The following SH3TC2 variants were observed in gnomAD, a reference collection of about 807,000 sequenced individuals.
The protein encoded by SH3TC2 is SH3 domain and tetratricopeptide repeat-containing protein 2.
SH3TC2 carries 87 observed loss-of-function variants against 124.5 expected under a neutral mutation model. The ratio of observed to expected loss-of-function variants is 0.70; its 90% CI spans 0.59 to 0.84. SH3TC2 has a LOEUF of 0.84. Among genes scored for constraint, SH3TC2 ranks in the 40% least tolerant of loss-of-function variants. The pLI, the probability that SH3TC2 is intolerant of heterozygous loss-of-function variation, is 0.00. For synonymous variants in SH3TC2, 634 were observed against 628.5 expected (o/e 1.01, Z -0.13); for missense variants, 1,536 against 1,566.4 (o/e 0.98, Z 0.33).
At position 149,047,413 on chromosome 5, in the gene SH3TC2, G is replaced by A. The variant is rs534466705; in HGVS notation, c.279+449C>T. On this transcript the variant is annotated intron_variant, in intron 3 of 16. Transcript: ENST00000515425. ...GATGAAAAAGTTCTGGAGGTGGATA[G>A]GTTGTGAATGTACTTAGTGTCATAG... The A allele has an allele frequency of 4.2e-5, 8 of 189,174 alleles. No homozygotes were observed. The South Asian group carries it at 8.2e-4, about 19-fold the overall frequency. The allele number at this position is 189,174 out of a possible 1,614,324, so 11.7% of individuals were successfully genotyped here.
At chr5:149,031,741 TCTC>T in intron 8 of SH3TC2, 54 bp from the exon 9 acceptor site, 1 of 1,609,274 alleles carries the variant, frequency 6.2e-7, no homozygotes, top group South Asian at 1.1e-5. Context: ...TCAGACTCCA[TCTC>T]CTCTTCTCTC....
In SH3TC2 at chr5:149,047,887, T is replaced by A. The variant is rs567173388; in HGVS notation, c.254A>T (p.Asp85Val). Residue 85 changes from aspartate to valine, a missense_variant, in exon 3 of 17, where the codon GAC becomes GTC. Asp to Val is a radical substitution (Grantham distance 152, BLOSUM62 -3). Coordinates refer to ENST00000515425, the MANE Select transcript of SH3TC2 (RefSeq NM_024577.4). Reference sequence around the variant, plus strand: ...CTTAAACAGCATGCGCACCTCCTGGTCCTCATTCTCCAGTGCCCAGAGCCG... The same window carrying A: ...CTTAAACAGCATGCGCACCTCCTGGACCTCATTCTCCAGTGCCCAGAGCCG... ...RRRLWALENE[D>V]QEVRMLFKDL... is the part of the protein sequence containing the mutation. 97 of 1,614,160 alleles carry A rather than the reference T, an allele frequency of 6.0e-5. 1 individual carries two copies. In the South Asian group the frequency reaches 1.0e-3, roughly 17 times the overall value.
At chr5:149,031,940 C>T (rs1754201597) in intron 8 of SH3TC2, among the ~76,000 whole-genome samples, 1 of 152,130 alleles carries the variant, frequency 6.6e-6, no homozygotes, top group Non-Finnish European at 1.5e-5. Flanking sequence ...GATGAAAACA[C>T]CCCTTCTCTT....
intron 12 of SH3TC2, among the ~76,000 whole-genome samples, chr5:149,023,601 T>TTTTTTTTTTTTTTTTTG (rs1754014057): frequency 9.3e-6 from 1 of 107,906 alleles, no homozygotes; most frequent in African/African-American, 3.3e-5. Flanking sequence ...TTTTTTTTTT[T>TTTTTTTTTTTTTTTTTG]GAGAGACAGT....
chr5:149,037,950 G>A lies in SH3TC2; in HGVS notation c.1001+345C>T, dbSNP rs182794559. ...GCATGCTGCTAATCTATTTCTCCCCGTGTGTGCCCTTCCTCTGAAGGGGCC... is the reference window on the plus strand; with the variant it reads ...GCATGCTGCTAATCTATTTCTCCCCATGTGTGCCCTTCCTCTGAAGGGGCC... On this transcript the variant is annotated intron_variant, in intron 8 of 16. Coordinates refer to ENST00000515425, the MANE Select transcript of SH3TC2 (RefSeq NM_024577.4). Among the ~76,000 whole-genome samples the A allele has an allele frequency of 3.2e-3, 492 of 152,230 alleles. 9 individuals are homozygous for A. Among genetic ancestry groups the A allele is most frequent in the Middle Eastern group, 3.4e-3 (1 of 294 alleles).
Position 148,987,838 on chromosome 5 carries a change from TG to T in SH3TC2, c.*16872del, listed in dbSNP as rs1753358300. On this transcript the variant is annotated 3_prime_UTR_variant, in exon 17 of 17. Transcript: ENST00000515425. Reference sequence around the variant, plus strand: ...GTGTGTGTGTGTGTGTGTGTGTGTGTGTGTGTGTGTGTGTGTGTTCTTTAGA... The same window carrying T: ...GTGTGTGTGTGTGTGTGTGTGTGTGTTGTGTGTGTGTGTGTGTTCTTTAGA... Among the ~76,000 whole-genome samples, 2 of 151,500 alleles carry T rather than the reference TG, an allele frequency of 1.3e-5. No homozygotes were observed. The highest frequency in any genetic ancestry group is 2.9e-5 in the Non-Finnish European group (2 of 67,884).
chr5:149,020,570 A>C (rs928678421), intron 12 of SH3TC2, among the ~76,000 whole-genome samples: 27 of 152,252 alleles, frequency 1.8e-4, no homozygotes, highest in African/African-American at 6.3e-4. Context: ...TTTCTACTAC[A>C]TGCTGCCTAC....
intron 12 of SH3TC2, among the ~76,000 whole-genome samples, chr5:149,025,219 C>A (rs572783124): frequency 2.8e-4 from 42 of 152,234 alleles, no homozygotes; most frequent in African/African-American, 9.6e-4. Context: ...GGATCCAAAG[C>A]TCCCTCCCTG....
rs986614048 is a variant in SH3TC2, at chr5:148,987,147, C to T, written c.*17564G>A. ...TTAGAAGAAATGTGTAAATCAAATG[C>T]TTCTAAATTTAATTTGATTTAAATT... On this transcript the variant is annotated 3_prime_UTR_variant, in exon 17 of 17. Transcript: ENST00000515425. Among the ~76,000 whole-genome samples the T allele has an allele frequency of 2.0e-5, 3 of 152,152 alleles. No individual in the cohort carries two copies. The highest frequency in any genetic ancestry group is 6.5e-5 in the Admixed American group (1 of 15,276).
chr5:149,028,515 C>A lies in SH3TC2; in HGVS notation c.1217G>T (p.Arg406Ile), dbSNP rs761907624. ...PEGFKEVRPG[R>I]AWEEHQAVGS... ...CACGGCCTGATGCTCCTCCCAGGCT[C>A]TGCCAGGCCTGACCTCCTTGAAACC... Residue 406 changes from arginine (R) to isoleucine (I), a missense_variant, in exon 11 of 17, where the codon AGA becomes ATA. Arg to Ile is a moderately conservative substitution (Grantham distance 97). Coordinates refer to ENST00000515425, the MANE Select transcript of SH3TC2 (RefSeq NM_024577.4). The A allele has an allele frequency of 5.0e-6, 8 of 1,613,870 alleles. No individual in the cohort carries two copies. Among genetic ancestry groups the A allele is most frequent in the Non-Finnish European group, 6.8e-6 (8 of 1,179,842 alleles).
chr5:149,030,483 C>T (rs190940542), intron 9 of SH3TC2, among the ~76,000 whole-genome samples: 11 of 152,346 alleles, frequency 7.2e-5, no homozygotes, highest in African/African-American at 2.6e-4. Flanking sequence ...GGCCTTCTCC[C>T]CAAGGAACAC....
At chr5:149,043,100 A>G (rs1754399769) in intron 4 of SH3TC2, among the ~76,000 whole-genome samples, 1 of 152,242 alleles carries the variant, frequency 6.6e-6, no homozygotes, top group Admixed American at 6.5e-5. Context: ...CCATAAATGC[A>G]TAATGAGATG....
intron 3 of SH3TC2, 90 bp downstream of exon 3, chr5:149,047,772 T>C (rs1271096768): frequency 1.5e-5 from 23 of 1,555,908 alleles, no homozygotes; most frequent in Non-Finnish European, 1.9e-5. Context: ...AGGACCTACT[T>C]TGTTCCAGAT....
At chr5:149,060,602 T>C (rs1021511742) in intron 1 of SH3TC2, among the ~76,000 whole-genome samples, 7 of 152,206 alleles carry the variant, frequency 4.6e-5, no homozygotes, top group Admixed American at 2.6e-4. Context: ...TTTTGGTGTC[T>C]GCTGTTAACT....
At chr5:149,013,544 G>T (rs543873534) in intron 12 of SH3TC2, among the ~76,000 whole-genome samples, 2 of 152,298 alleles carry the variant, frequency 1.3e-5, no homozygotes, top group South Asian at 4.1e-4. Context: ...GCATGAATGA[G>T]TGACAACAGT....
At position 149,028,692 on chromosome 5, in the gene SH3TC2, G is replaced by A. The variant is rs746964009; in HGVS notation, c.1162C>T (p.Pro388Ser). ...CGCTACTCACCACTCAGATCATTTG[G>A]AGGATTCTGGATGGATTCAAACCCA... The part of the protein sequence containing the change: ...LSGFESIQNP[P>S]NDLSASQPEG... Residue 388 changes from proline (P) to serine (S), a missense_variant, in exon 10 of 17, where the codon CCA becomes TCA. Physicochemically the swap from Pro to Ser is moderately conservative, Grantham distance 74 (BLOSUM62 -1). Around this residue, in one of 3 missense-constraint regions of SH3TC2, gnomAD observed 1,102 missense variants for 1,098.6 expected, o/e 1.00. Transcript: ENST00000515425. The A allele has an allele frequency of 6.2e-7, 1 of 1,614,206 alleles. No homozygotes were observed. The highest frequency in any genetic ancestry group is 2.2e-5 in the East Asian group (1 of 44,878).
At chr5:149,034,621 C>T (rs1427865372) in intron 8 of SH3TC2, 1 of 215,560 alleles carries the variant, frequency 4.6e-6, no homozygotes, top group Non-Finnish European at 9.7e-6. Flanking sequence ...CGCCTCCTTT[C>T]TTGGTTTAAT....
In SH3TC2 at chr5:148,989,340, G is replaced by A. The variant is rs1040649701; in HGVS notation, c.*15371C>T. On this transcript the variant is annotated 3_prime_UTR_variant, in exon 17 of 17. Coordinates refer to ENST00000515425, the MANE Select transcript of SH3TC2 (RefSeq NM_024577.4). ...CCATTTTACAGTTGAAAGAGCCATA[G>A]CTCAGAAAGATAAAGTGATTTGTTA... Among the ~76,000 whole-genome samples, 3 of 152,182 alleles carry A rather than the reference G, an allele frequency of 2.0e-5. No individual in the cohort carries two copies.
At position 149,002,280 on chromosome 5, in the gene SH3TC2, A is replaced by T. The variant is rs940690415; in HGVS notation, c.*2431T>A. On this transcript the variant is annotated 3_prime_UTR_variant, in exon 17 of 17. Coordinates refer to ENST00000515425, the MANE Select transcript of SH3TC2 (RefSeq NM_024577.4). ...CTGTTCTGGAATGTGTGTGCCCCTG[A>T]CTGTCTCCCAGGAATGTTGTTGAAA... The T allele has an allele frequency of 5.9e-5, 9 of 152,662 alleles. No homozygotes were observed. Among genetic ancestry groups the T allele is most frequent in the African/African-American group, 2.2e-4 (9 of 41,436 alleles). 9.5% of individuals were successfully genotyped at this position (152,662 alleles called of 1,614,324 possible). A position where few individuals can be genotyped will look rare whatever the true frequency, so the allele number is the denominator to read the frequency against.
Sources: allele counts gnomAD v4.1 joint callset (sites outside exome capture counted in the v4.1 genomes callset), GRCh38; gene constraint gnomAD v4.1.1; regional missense constraint gnomAD v4.1.1; transcripts MANE v1.5; gene names NCBI Gene and HGNC (gene_info 2026-07-23, HGNC 2026-07-21).